CROCC2: variants seen among roughly 807,000 people sequenced by gnomAD.
CROCC2 encodes ciliary rootlet coiled-coil protein 2.
In CROCC2, 163 loss-of-function variants were observed where a neutral mutation model predicts 177.6. The ratio of observed to expected loss-of-function variants is 0.92; its 90% CI spans 0.81 to 1.05. The LOEUF is 1.05. Ranked by LOEUF, CROCC2 falls within the 50% of genes least tolerant of loss-of-function variation. The pLI is 0.00. For missense variants in CROCC2, 1,929 were observed against 1,797.8 expected (o/e 1.07, Z -1.32); for synonymous variants, 904 against 787.3 (o/e 1.15, Z -2.48).
At chr2:240,990,475 C>T (rs1263004582) in intron 30 of CROCC2, among the ~76,000 whole-genome samples, 2 of 152,212 alleles carry the variant, frequency 1.3e-5, no homozygotes, top group African/African-American at 4.8e-5. Context: ...ACCTGACTGC[C>T]CAGTGTCATC....
At position 240,918,596 on chromosome 2, in the gene CROCC2, C is replaced by G; in HGVS notation, c.79-130C>G. ...GCCTGAGTGACCTGCCCAGCCTCACCCTGTCCTCTCCAGGGCACTCTGCTG... is the reference window on the plus strand; with the variant it reads ...GCCTGAGTGACCTGCCCAGCCTCACGCTGTCCTCTCCAGGGCACTCTGCTG... On this transcript the variant is annotated intron_variant, in intron 1 of 31. Coordinates refer to ENST00000690015, the MANE Select transcript of CROCC2 (RefSeq NM_001351305.2). This position sits in a 1 kb window ranked among gnomAD's most constrained non-coding sequence, Gnocchi z 6.3. The G allele has an allele frequency of 2.2e-6, 1 of 453,836 alleles. No homozygotes were observed. 28.1% of individuals were successfully genotyped at this position (453,836 alleles called of 1,614,324 possible). A position where few individuals can be genotyped will look rare whatever the true frequency, so the allele number is the denominator to read the frequency against.
At chr2:240,930,696 G>A (rs151261056) in intron 6 of CROCC2, among the ~76,000 whole-genome samples, 11 of 152,174 alleles carry the variant, frequency 7.2e-5, no homozygotes, top group South Asian at 6.2e-4. Context: ...TCAGAGGGTC[G>A]ATGACTCGGT....
chr2:240,992,610 G>A (rs1399043143), intron 31 of CROCC2, among the ~76,000 whole-genome samples: 1 of 152,250 alleles, frequency 6.6e-6, no homozygotes, highest in East Asian at 1.9e-4. Context: ...TGGGCTCTGA[G>A]GGGAAGAGCT....
chr2:240,927,510 C>T (rs755264534), intron 5 of CROCC2, among the ~76,000 whole-genome samples: 35 of 152,106 alleles, frequency 2.3e-4, no homozygotes, highest in Non-Finnish European at 4.3e-4. Context: ...ATTTCCTTTC[C>T]AGTCCATCAG....
At position 240,955,880 on chromosome 2, in the gene CROCC2, G is replaced by C. The variant is rs1250375859; in HGVS notation, c.2851G>C (p.Glu951Gln). Residue 951 changes from glutamate (E) to glutamine (Q), a missense_variant, in exon 19 of 32, where the codon GAG becomes CAG. Physicochemically the swap from Glu to Gln is conservative, Grantham distance 29. Around this residue, in one of 3 missense-constraint regions of CROCC2, gnomAD observed 1,397 missense variants for 1,239.9 expected, o/e 1.13. Coordinates refer to ENST00000690015, the MANE Select transcript of CROCC2 (RefSeq NM_001351305.2). Reference protein sequence around the residue: ...MQQALSLKETERSLLSEELSR... With the variant: ...MQQALSLKETQRSLLSEELSR... ...TCAGGCCCTGTCCCTGAAAGAAACA[G>C]AGCGGAGCCTTCTGAGTGAGGAGCT... 4 of 1,535,038 alleles carry C rather than the reference G, an allele frequency of 2.6e-6. No homozygotes were observed. Among genetic ancestry groups the C allele is most frequent in the Non-Finnish European group, 2.6e-6 (3 of 1,146,876 alleles).
chr2:240,975,182 G>C (rs1280627008), intron 27 of CROCC2, among the ~76,000 whole-genome samples: 1 of 152,238 alleles, frequency 6.6e-6, no homozygotes, highest in Non-Finnish European at 1.5e-5. Flanking sequence ...AGTACAACAG[G>C]CTATAATGCT....
At chr2:240,922,355 G>A (rs1231131237) in intron 3 of CROCC2, among the ~76,000 whole-genome samples, 184 bp from the exon 4 acceptor site, 4 of 152,228 alleles carry the variant, frequency 2.6e-5, no homozygotes, top group African/African-American at 9.7e-5. Flanking sequence ...AGGGCAGGAG[G>A]CCACCTGTCG....
intron 1 of CROCC2, among the ~76,000 whole-genome samples, chr2:240,910,553 A>G (rs2059281013): frequency 6.6e-6 from 1 of 152,184 alleles, no homozygotes; most frequent in African/African-American, 2.4e-5. Flanking sequence ...GGCTCGAGAC[A>G]GGGGTTTCCC....
At chr2:240,926,754 T>C (rs2106458028) in intron 5 of CROCC2, among the ~76,000 whole-genome samples, 1 of 152,324 alleles carries the variant, frequency 6.6e-6, no homozygotes, top group South Asian at 2.1e-4. Flanking sequence ...CTGCTGCTCC[T>C]GAAAGGCAGG....
intron 19 of CROCC2, among the ~76,000 whole-genome samples, chr2:240,956,699 G>C (rs1431983656): frequency 6.6e-6 from 1 of 152,190 alleles, no homozygotes; most frequent in Non-Finnish European, 1.5e-5. Context: ...GCTCTGGAGA[G>C]GAGGGCTCTG....
intron 27 of CROCC2, among the ~76,000 whole-genome samples, chr2:240,981,272 C>G (rs1487220671): frequency 6.6e-6 from 1 of 152,004 alleles, no homozygotes; most frequent in African/African-American, 2.4e-5. Context: ...CAGGCTCATC[C>G]CTGCTCAGGC....
chr2:240,932,780 A>T lies in CROCC2; in HGVS notation c.1123A>T (p.Arg375Trp), dbSNP rs1242648891. The change falls in exon 9 of 32, where the codon AGG becomes TGG. Residue 375 changes from arginine to tryptophan, a missense_variant. Arg to Trp is a moderately radical substitution (Grantham distance 101). This residue lies in a region of CROCC2 where 1,397 missense variants were observed against 1,239.9 expected (regional missense o/e 1.13). Coordinates refer to ENST00000690015, the MANE Select transcript of CROCC2 (RefSeq NM_001351305.2). ...TELGEPRRPL[R>W]SPQRATSPHQ... ...ATTGGGGGAGCCACGGCGCCCACTGAGGAGCCCCCAACGTGCCACATCCCC... is the reference window on the plus strand; with the variant it reads ...ATTGGGGGAGCCACGGCGCCCACTGTGGAGCCCCCAACGTGCCACATCCCC... 1.4e-6 allele frequency: 2 copies of T among 1,386,708 alleles called. No homozygotes were observed. The highest frequency in any genetic ancestry group is 2.5e-5 in the South Asian group (2 of 80,460). The allele number at this position is 1,386,708 out of a possible 1,614,324, so 85.9% of individuals were successfully genotyped here.
At chr2:240,977,941 C>G (rs1574794288) in intron 27 of CROCC2, among the ~76,000 whole-genome samples, 1 of 21,876 alleles carries the variant, frequency 4.6e-5, no homozygotes, top group African/African-American at 2.2e-4. Context: ...CCAGGCTCAT[C>G]CCTGCTCAGT....
intron 28 of CROCC2, among the ~76,000 whole-genome samples, chr2:240,984,020 G>A (rs1275325517): frequency 6.6e-6 from 1 of 152,188 alleles, no homozygotes; most frequent in East Asian, 1.9e-4. Flanking sequence ...TGGCCCCTGA[G>A]CTCCCGGTAG....
chr2:240,919,613 G>A (rs867769653), intron 2 of CROCC2, among the ~76,000 whole-genome samples: 8 of 152,052 alleles, frequency 5.3e-5, no homozygotes, highest in Admixed American at 2.0e-4. Context: ...CTTATTACTC[G>A]GGGACCAGGT....
rs568291968 is a variant in CROCC2 at position 240,944,084 on chromosome 2, G to T, written c.2170-1976G>T. The stretch of plus-strand genomic sequence containing the variant: ...GTTTTTACTTTTGAAGAATGTTTTC[G>T]CTGGGTATAGAATACTAAAATAGCC... On this transcript the variant is annotated intron_variant, in intron 14 of 31. Coordinates refer to ENST00000690015, the MANE Select transcript of CROCC2 (RefSeq NM_001351305.2). 1.2e-4 allele frequency among the ~76,000 whole-genome samples: 18 copies of T among 152,218 alleles called. 1 individual carries two copies. In the South Asian group the frequency reaches 3.5e-3, roughly 30 times the overall value.
intron 7 of CROCC2, among the ~76,000 whole-genome samples, chr2:240,931,525 T>C (rs2059431067): frequency 6.6e-6 from 1 of 152,174 alleles, no homozygotes. Context: ...CTGCCCGATA[T>C]GAAGGACACC....
At chr2:240,906,786 G>A (rs1047643520) in intron 1 of CROCC2, among the ~76,000 whole-genome samples, 195 bp downstream of exon 1, 6 of 152,228 alleles carry the variant, frequency 3.9e-5, no homozygotes, top group Admixed American at 6.5e-5. Flanking sequence ...TGCACACACA[G>A]GCAGCCTTCA....
intron 1 of CROCC2, among the ~76,000 whole-genome samples, chr2:240,910,541 G>C (rs1199481438): frequency 2.0e-5 from 3 of 152,166 alleles, no homozygotes; most frequent in Non-Finnish European, 4.4e-5. Flanking sequence ...TCTTTGCTGA[G>C]GGGCTCGAGA....
Sources: allele counts gnomAD v4.1 joint callset (sites outside exome capture counted in the v4.1 genomes callset), GRCh38; gene constraint gnomAD v4.1.1; regional missense constraint gnomAD v4.1.1; non-coding constraint Gnocchi (gnomAD v3.1); transcripts MANE v1.5; gene names NCBI Gene and HGNC (gene_info 2026-07-23, HGNC 2026-07-21).